The following CSMD1 variants were observed in gnomAD, a reference collection of about 807,000 sequenced individuals.
The protein encoded by CSMD1 is CUB and sushi domain-containing protein 1.
A neutral mutation model predicts 417.5 loss-of-function variants in CSMD1; 213 were observed. The ratio of observed to expected loss-of-function variants is 0.51; its 90% confidence interval spans 0.46 to 0.57. The LOEUF (loss-of-function observed/expected upper bound fraction) is 0.57, where lower values mean the gene tolerates loss of function less well. Ranked by LOEUF, CSMD1 falls within the 20% of genes least tolerant of loss-of-function variation. The pLI, the probability that CSMD1 is intolerant of heterozygous loss-of-function variation, is 0.00. For synonymous variants in CSMD1, 2,862 were observed against 1,736.8 expected (o/e 1.65, Z -16.11); for missense variants, 6,923 against 4,529.7 (o/e 1.53, Z -15.17).
At chr8:3,271,244 C>A (rs1312279711) in intron 26 of CSMD1, among the ~76,000 whole-genome samples, 6 of 152,010 alleles carry the variant, frequency 3.9e-5, no homozygotes, top group Non-Finnish European at 5.9e-5. Flanking sequence ...CATGTCCCTA[C>A]AAAGCACATG....
In CSMD1 at chr8:3,878,870, T is replaced by G. The variant is rs898139509; in HGVS notation, c.818+119033A>C. On this transcript the variant is annotated intron_variant, in intron 5 of 69. Transcript: ENST00000635120. Reference sequence around the variant, plus strand: ...TGGACACAAACCATAATAAACTGACTGAGCTTAATTATTCACCAATATCAC... The same window carrying G: ...TGGACACAAACCATAATAAACTGACGGAGCTTAATTATTCACCAATATCAC... 5.3e-5 allele frequency among the ~76,000 whole-genome samples: 8 copies of G among 152,326 alleles called. No homozygotes were observed. In the East Asian group the frequency reaches 1.5e-3, roughly 29 times the overall value.
At chr8:4,710,473 T>TAC (rs1808216007) in intron 1 of CSMD1, among the ~76,000 whole-genome samples, 1 of 147,734 alleles carries the variant, frequency 6.8e-6, no homozygotes, top group Admixed American at 6.8e-5. Context: ...ATTATATATA[T>TAC]ATATATATGT....
Position 3,695,189 on chromosome 8 carries a change from C to T in CSMD1, c.1009+13225G>A, listed in dbSNP as rs536890280. On this transcript the variant is annotated intron_variant, in intron 7 of 69. Transcript: ENST00000635120. ...CATATTTCCAAGGACCTCGAAGACA[C>T]TGTCTGAAAACCAGGTTTATCTTAT... Among the ~76,000 whole-genome samples, 5 of 151,940 alleles carry T rather than the reference C, an allele frequency of 3.3e-5. No homozygotes were observed. In the East Asian group the frequency reaches 9.7e-4, roughly 30 times the overall value.
At chr8:3,853,398 G>A (rs897715271) in intron 5 of CSMD1, among the ~76,000 whole-genome samples, 4 of 151,944 alleles carry the variant, frequency 2.6e-5, no homozygotes, top group Admixed American at 2.0e-4. Context: ...GGTATAGCAC[G>A]CTCTATAATT....
chr8:3,910,898 T>C (rs545186816), intron 5 of CSMD1, among the ~76,000 whole-genome samples: 3 of 152,078 alleles, frequency 2.0e-5, no homozygotes, highest in Non-Finnish European at 4.4e-5. Flanking sequence ...AATAAGTGCT[T>C]CCTACACAGT....
chr8:4,964,540 A>C (rs1271158906), intron 1 of CSMD1, among the ~76,000 whole-genome samples: 1 of 142,732 alleles, frequency 7.0e-6, no homozygotes, highest in African/African-American at 2.6e-5. Flanking sequence ...GGAAGGAAGG[A>C]AAAAAAAAAA....
intron 3 of CSMD1, among the ~76,000 whole-genome samples, chr8:4,384,534 T>C (rs1387028562): frequency 6.6e-6 from 1 of 152,236 alleles, no homozygotes; most frequent in Non-Finnish European, 1.5e-5. Flanking sequence ...TATTCAATAC[T>C]TTATGAAGTC....
intron 3 of CSMD1, among the ~76,000 whole-genome samples, chr8:4,199,797 A>C (rs536715165): frequency 3.2e-4 from 49 of 152,274 alleles, no homozygotes; most frequent in African/African-American, 1.2e-3. Context: ...TAGATAGAAA[A>C]TCGGATGACT....
chr8:4,972,384 C>G (rs1357379825), intron 1 of CSMD1, among the ~76,000 whole-genome samples: 1 of 152,074 alleles, frequency 6.6e-6, no homozygotes, highest in African/African-American at 2.4e-5. Flanking sequence ...GCAGTTCCCC[C>G]CATGCTGTTC....
At chr8:4,536,715 T>C (rs1225244130) in intron 2 of CSMD1, among the ~76,000 whole-genome samples, 2 of 152,208 alleles carry the variant, frequency 1.3e-5, no homozygotes, top group African/African-American at 4.8e-5. Flanking sequence ...AAGTTTTGAG[T>C]ATATGCCACT....
chr8:3,463,972 C>G (rs535350677), intron 12 of CSMD1, among the ~76,000 whole-genome samples: 2 of 152,196 alleles, frequency 1.3e-5, no homozygotes, highest in East Asian at 1.9e-4. Flanking sequence ...ATTCATCGGA[C>G]GAAGGAGACA....
At chr8:4,554,270 G>T (rs149358593) in intron 2 of CSMD1, among the ~76,000 whole-genome samples, 2 of 152,046 alleles carry the variant, frequency 1.3e-5, no homozygotes, top group African/African-American at 4.8e-5. Flanking sequence ...CTGAGTAGCT[G>T]AGACTACAGG....
chr8:4,474,505 G>C (rs1563214146), intron 2 of CSMD1, among the ~76,000 whole-genome samples: 1 of 152,208 alleles, frequency 6.6e-6, no homozygotes, highest in African/African-American at 2.4e-5. Flanking sequence ...CAGTCTTAGA[G>C]AGCAGATTAG....
chr8:3,865,562 TG>T (rs765761281), intron 5 of CSMD1, among the ~76,000 whole-genome samples: 8 of 151,938 alleles, frequency 5.3e-5, no homozygotes, highest in African/African-American at 7.3e-5. Context: ...GCACGTACAG[TG>T]GGAAGCCGCA....
At chr8:4,446,765 G>GTGTGTGTGTGTC (rs1360695364) in intron 2 of CSMD1, among the ~76,000 whole-genome samples, 84 of 94,448 alleles carry the variant, frequency 8.9e-4, no homozygotes, top group Middle Eastern at 5.3e-3. Flanking sequence ...CTGTGTGTGT[G>GTGTGTGTGTGTC]TGTGTGTGTG....
At chr8:4,228,564 T>C (rs1048526843) in intron 3 of CSMD1, among the ~76,000 whole-genome samples, 1 of 148,840 alleles carries the variant, frequency 6.7e-6, no homozygotes, top group Non-Finnish European at 1.5e-5. Flanking sequence ...TTTAGTATCC[T>C]TGGCAATTCT....
chr8:4,679,950 G>A (rs1805933091), intron 1 of CSMD1, among the ~76,000 whole-genome samples: 2 of 152,106 alleles, frequency 1.3e-5, no homozygotes, highest in African/African-American at 4.8e-5. Flanking sequence ...TATTAACAGG[G>A]CAGATTTAGA....
At chr8:4,858,475 G>C (rs1801937246) in intron 1 of CSMD1, among the ~76,000 whole-genome samples, 1 of 151,152 alleles carries the variant, frequency 6.6e-6, no homozygotes, top group South Asian at 2.1e-4. Context: ...AAGTCAAATT[G>C]TCCCTGTTTG....
intron 20 of CSMD1, among the ~76,000 whole-genome samples, chr8:3,361,567 G>T (rs753103388): frequency 6.9e-6 from 1 of 145,380 alleles, no homozygotes; most frequent in African/African-American, 2.5e-5. Flanking sequence ...CAGAAGAATC[G>T]CTTGAACCCT....
Sources: gnomAD v4.1 joint callset for allele counts (sites outside exome capture counted in the v4.1 genomes callset) on GRCh38, gnomAD v4.1.1 for gene constraint, MANE v1.5 for transcripts, NCBI Gene and HGNC (gene_info 2026-07-23, HGNC 2026-07-21) for gene names.